Variants in AGPAT3 observed in about 807,000 individuals in gnomAD.
AGPAT3 encodes the protein 1-acylglycerol-3-phosphate O-acyltransferase 3, also known as 1-acyl-sn-glycerol-3-phosphate acyltransferase gamma.
In AGPAT3, 5 loss-of-function variants were observed where a neutral mutation model predicts 47.3. The observed-to-expected ratio is 0.11, with a 90% CI of 0.06 to 0.22. AGPAT3 has a LOEUF of 0.22. Ranked by LOEUF, AGPAT3 falls within the 10% of genes least tolerant of loss-of-function variation. AGPAT3 has a pLI of 1.00. For synonymous variants in AGPAT3, 212 were observed against 208.3 expected (o/e 1.02, Z -0.15); for missense variants, 315 against 493.0 (o/e 0.64, Z 3.42).
At chr21:43,944,532 C>G (rs976397188) in intron 2 of AGPAT3, among the ~76,000 whole-genome samples, 1 of 152,222 alleles carries the variant, frequency 6.6e-6, no homozygotes, top group Non-Finnish European at 1.5e-5. Context: ...GCAAGGCCGC[C>G]CCTCCTCCTA....
intron 1 of AGPAT3, among the ~76,000 whole-genome samples, chr21:43,876,546 G>A (rs898035163): frequency 6.6e-6 from 1 of 152,222 alleles, no homozygotes; most frequent in Non-Finnish European, 1.5e-5. Context: ...GATGTCTAAA[G>A]ACATAATTGA....
chr21:43,885,030 T>C (rs1401365976), intron 1 of AGPAT3, among the ~76,000 whole-genome samples: 1 of 152,260 alleles, frequency 6.6e-6, no homozygotes, highest in Non-Finnish European at 1.5e-5. Context: ...AGAGCTGGTT[T>C]TACTAAAGAT....
intron 2 of AGPAT3, among the ~76,000 whole-genome samples, chr21:43,924,123 T>C (rs890643423): frequency 6.6e-6 from 1 of 151,908 alleles, no homozygotes; most frequent in African/African-American, 2.4e-5. Flanking sequence ...TTCACGCCAT[T>C]CTGTCTCAGC....
intron 1 of AGPAT3, among the ~76,000 whole-genome samples, chr21:43,895,464 C>T (rs1406038901): frequency 1.3e-5 from 2 of 151,880 alleles, no homozygotes; most frequent in Non-Finnish European, 2.9e-5. Context: ...TTGCCACTCC[C>T]CTTAGGAACT....
chr21:43,928,771 A>G (rs2087140370), intron 2 of AGPAT3, among the ~76,000 whole-genome samples: 1 of 152,188 alleles, frequency 6.6e-6, no homozygotes, highest in Admixed American at 6.5e-5. Context: ...TTTACTGAGG[A>G]GGGTGTGTTT....
chr21:43,897,471 C>T (rs1013684221), intron 1 of AGPAT3, among the ~76,000 whole-genome samples: 3 of 152,130 alleles, frequency 2.0e-5, no homozygotes, highest in African/African-American at 7.2e-5. Flanking sequence ...GTCGCTGTCC[C>T]TTCGGAGCTG....
At chr21:43,901,714 G>A (rs910573745) in intron 1 of AGPAT3, among the ~76,000 whole-genome samples, 1 of 152,152 alleles carries the variant, frequency 6.6e-6, no homozygotes, top group Non-Finnish European at 1.5e-5. Flanking sequence ...GGTTGAGGCT[G>A]CAGTGAGCCA....
intron 2 of AGPAT3, among the ~76,000 whole-genome samples, chr21:43,942,615 G>A (rs538866944): frequency 2.6e-5 from 4 of 152,210 alleles, no homozygotes; most frequent in Admixed American, 6.5e-5. Context: ...GCAGCTTCTC[G>A]TTCATCTTCA....
intron 2 of AGPAT3, chr21:43,919,647 A>T (rs1012693740): frequency 1.3e-5 from 2 of 152,344 alleles, no homozygotes; most frequent in Middle Eastern, 3.4e-3. Flanking sequence ...CCTCTGGTAG[A>T]TACCCAGGAG....
At chr21:43,917,087 G>T (rs1451331244) in intron 2 of AGPAT3, among the ~76,000 whole-genome samples, 1 of 152,164 alleles carries the variant, frequency 6.6e-6, no homozygotes, top group African/African-American at 2.4e-5. Context: ...CACCCTGCGG[G>T]CAAGTGAGGG....
In AGPAT3 at chr21:43,901,364, G is replaced by A. The variant is rs967991839; in HGVS notation, c.-111-2593G>A. The stretch of plus-strand genomic sequence containing the variant: ...AGAGAAGAGAAAAGAGAAGGGAAGG[G>A]AACTATATCTATCCAGATGATAGAG... On this transcript the variant is annotated intron_variant, in intron 1 of 9. Transcript: ENST00000291572. 4.0e-5 allele frequency among the ~76,000 whole-genome samples: 6 copies of A among 150,470 alleles called. No individual in the cohort carries two copies. The South Asian group carries it at 1.3e-3, about 32-fold the overall frequency.
At chr21:43,962,735 T>C (rs2088936635) in intron 3 of AGPAT3, among the ~76,000 whole-genome samples, 2 of 152,232 alleles carry the variant, frequency 1.3e-5, no homozygotes, top group South Asian at 4.1e-4. Context: ...CGAGACAAGC[T>C]AGGGTTAACA....
At chr21:43,909,169 A>T (rs974196719) in intron 2 of AGPAT3, among the ~76,000 whole-genome samples, 1 of 152,180 alleles carries the variant, frequency 6.6e-6, no homozygotes, top group Non-Finnish European at 1.5e-5. Flanking sequence ...CAAGGGCCCC[A>T]TTGGGCCGAT....
At chr21:43,894,725 T>G (rs1284130002) in intron 1 of AGPAT3, among the ~76,000 whole-genome samples, 1 of 152,246 alleles carries the variant, frequency 6.6e-6, no homozygotes, top group African/African-American at 2.4e-5. Context: ...TCTCTTCCTC[T>G]CTGCCCCTGA....
At position 43,981,260 on chromosome 21, in the gene AGPAT3, G is replaced by C; in HGVS notation, c.1042+73G>C. ...TATCAGCCACAGGGTCCGGGACCTG[G>C]TGACTCATCACAGTGGCTGTGGGAG... On this transcript the variant is annotated intron_variant, in intron 9 of 9. Coordinates refer to ENST00000291572, the MANE Select transcript of AGPAT3 (RefSeq NM_020132.5). The surrounding 1 kb of genome is among the most constrained non-coding windows in gnomAD (Gnocchi z 5.3). 6.6e-7 allele frequency: 1 copy of C among 1,518,972 alleles called. No homozygotes were observed. The highest frequency in any genetic ancestry group is 9.1e-7 in the Non-Finnish European group (1 of 1,098,408). 94.1% of individuals were successfully genotyped at this position (1,518,972 alleles called of 1,614,324 possible). A position where few individuals can be genotyped will look rare whatever the true frequency, so the allele number is the denominator to read the frequency against.
intron 2 of AGPAT3, among the ~76,000 whole-genome samples, chr21:43,936,799 G>T (rs532754791): frequency 6.6e-6 from 1 of 152,242 alleles, no homozygotes; most frequent in Non-Finnish European, 1.5e-5. Context: ...TGTCAGCTCC[G>T]CCTAAAGCGG....
intron 2 of AGPAT3, among the ~76,000 whole-genome samples, chr21:43,921,030 G>A (rs1431601827): frequency 6.6e-6 from 1 of 152,120 alleles, no homozygotes; most frequent in African/African-American, 2.4e-5. Flanking sequence ...GGAGAATGGC[G>A]TGAACCCTGG....
At chr21:43,914,941 T>C (rs2086696070) in intron 2 of AGPAT3, among the ~76,000 whole-genome samples, 1 of 152,270 alleles carries the variant, frequency 6.6e-6, no homozygotes, top group Non-Finnish European at 1.5e-5. Context: ...CCACACTTTA[T>C]AATTAATTTT....
intron 2 of AGPAT3, among the ~76,000 whole-genome samples, chr21:43,924,844 G>A (rs1408153250): frequency 1.3e-5 from 2 of 152,224 alleles, no homozygotes; most frequent in East Asian, 1.9e-4. Flanking sequence ...TTGGAGAGGC[G>A]TGTGGGAATG....
Sources: gnomAD v4.1 joint callset for allele counts (sites outside exome capture counted in the v4.1 genomes callset) on GRCh38, gnomAD v4.1.1 for gene constraint, Gnocchi (gnomAD v3.1) non-coding constraint, MANE v1.5 for transcripts, NCBI Gene and HGNC (gene_info 2026-07-23, HGNC 2026-07-21) for gene names.